PLEKHA8: variants seen among roughly 807,000 people sequenced by gnomAD.
The protein encoded by PLEKHA8 is pleckstrin homology domain-containing family A member 8.
A neutral mutation model predicts 68.2 loss-of-function variants in PLEKHA8; 36 were observed. The observed-to-expected ratio is 0.53, with a 90% CI of 0.40 to 0.70. The LOEUF is 0.70. PLEKHA8 is among the 30% of genes least tolerant of loss of function. PLEKHA8 has a pLI of 0.00. For missense variants in PLEKHA8, 505 were observed against 615.4 expected (o/e 0.82, Z 1.90); for synonymous variants, 211 against 216.1 (o/e 0.98, Z 0.20).
Position 30,080,499 on chromosome 7 carries a change from A to C in PLEKHA8, c.*1712A>C. ...CTAGGATGGAGAGAATTCTCTCTTT[A>C]GTCAGAGAAGTTTATGTAGGGAGGG... On this transcript the variant is annotated 3_prime_UTR_variant, in exon 14 of 14. Coordinates refer to ENST00000449726, the MANE Select transcript of PLEKHA8 (RefSeq NM_001197026.2). 1 of 985,324 alleles carries C rather than the reference A, an allele frequency of 1.0e-6. No individual in the cohort carries two copies. Among genetic ancestry groups the C allele is most frequent in the Non-Finnish European group, 1.2e-6 (1 of 829,892 alleles). 61.0% of individuals were successfully genotyped at this position (985,324 alleles called of 1,614,324 possible). A position where few individuals can be genotyped will look rare whatever the true frequency, so the allele number is the denominator to read the frequency against.
intron 13 of PLEKHA8, among the ~76,000 whole-genome samples, chr7:30,128,451 T>C (rs1796819029): frequency 6.6e-6 from 1 of 152,222 alleles, no homozygotes; most frequent in Non-Finnish European, 1.5e-5. Flanking sequence ...CATCTGTGGG[T>C]TAAGTCACAC....
Position 30,045,150 on chromosome 7 carries a change from G to A in PLEKHA8, c.106G>A (p.Ala36Thr). 1.2e-6 allele frequency: 2 copies of A among 1,612,274 alleles called. No homozygotes were observed. The highest frequency in any genetic ancestry group is 2.2e-5 in the South Asian group (2 of 90,772). Residue 36 changes from alanine to threonine, a missense_variant, in exon 2 of 14, where the codon GCC (alanine) becomes ACC (threonine). Coordinates refer to ENST00000449726, the MANE Select transcript of PLEKHA8 (RefSeq NM_001197026.2). The stretch of plus-strand genomic sequence containing the variant: ...GTCCTATTATGATTCTCCTGAAGAT[G>A]CCTGGAAAGGTTGCAAAGGGAGCAT... ...ILSYYDSPEDAWKGCKGSIQM... is the reference protein window; with the variant it reads ...ILSYYDSPEDTWKGCKGSIQM...
intron 9 of PLEKHA8, among the ~76,000 whole-genome samples, chr7:30,060,338 G>A (rs1226671880): frequency 1.3e-5 from 2 of 151,700 alleles, no homozygotes; most frequent in African/African-American, 4.8e-5. Flanking sequence ...CTACTCGGGA[G>A]GCTGAGGGAG....
chr7:30,046,385 T>C lies in PLEKHA8; in HGVS notation c.313+20T>C. The C allele has an allele frequency of 6.4e-7, 1 of 1,559,392 alleles. No individual in the cohort carries two copies. Among genetic ancestry groups the C allele is most frequent in the Non-Finnish European group, 8.7e-7 (1 of 1,154,470 alleles). On this transcript the variant is annotated intron_variant, in intron 3 of 13. Coordinates refer to ENST00000449726, the MANE Select transcript of PLEKHA8 (RefSeq NM_001197026.2). Reference sequence around the variant, plus strand: ...AGAAAGGCAAGTACTGATTGTCCTTTGCTGTGGAAACCTTGGGAATCACCC... The same window carrying C: ...AGAAAGGCAAGTACTGATTGTCCTTCGCTGTGGAAACCTTGGGAATCACCC...
chr7:30,063,641 G>GCC (rs1363257025), intron 12 of PLEKHA8, among the ~76,000 whole-genome samples: 4 of 151,992 alleles, frequency 2.6e-5, no homozygotes, highest in Admixed American at 1.3e-4. Context: ...CAAGAATTCT[G>GCC]CCCCCACGTG....
chr7:30,129,497 G>T, downstream of PLEKHA8: 1 of 653,888 alleles, frequency 1.5e-6, no homozygotes, highest in Non-Finnish European at 2.6e-6. Context: ...TTTATTATCA[G>T]ATGAATGCAA....
rs1447317248 is a variant in PLEKHA8 at position 30,115,871 on chromosome 7, TGTAGGCAC to T, written c.1363-13393_1363-13386del. 8 of 144,786 alleles carry T rather than the reference TGTAGGCAC, an allele frequency of 5.5e-5. No individual in the cohort carries two copies. In the South Asian group the frequency reaches 8.7e-4, roughly 16 times the overall value. 9.0% of individuals were successfully genotyped at this position (144,786 alleles called of 1,614,324 possible). A position where few individuals can be genotyped will look rare whatever the true frequency, so the allele number is the denominator to read the frequency against. ...GTATGCATACATACGTGCACATACA[TGTAGGCAC>T]GCATACATGCGTATACATGCATGTA... On this transcript the variant is annotated intron_variant, in intron 13 of 13. Coordinates refer to the PLEKHA8 transcript ENST00000396257.
chr7:30,090,146 G>A (rs1376252449), intron 12 of PLEKHA8: 3 of 1,550,698 alleles, frequency 1.9e-6, no homozygotes, highest in East Asian at 2.4e-5. Flanking sequence ...AGTGCACTAT[G>A]TTGTAGGAAA....
chr7:30,032,606 CT>C (rs1370525408), intron 1 of PLEKHA8, among the ~76,000 whole-genome samples: 3 of 152,154 alleles, frequency 2.0e-5, no homozygotes, highest in Non-Finnish European at 2.9e-5. Context: ...TTTAAAGGTC[CT>C]TCTTGCTTGA....
chr7:30,098,122 C>T (rs1037207170), intron 13 of PLEKHA8, among the ~76,000 whole-genome samples: 2 of 152,196 alleles, frequency 1.3e-5, no homozygotes, highest in African/African-American at 2.4e-5. Context: ...GTATCAGCAG[C>T]GGTGGCTGCA....
chr7:30,050,335 T>G, intron 5 of PLEKHA8, 99 bp from the exon 6 acceptor site: 1 of 1,440,076 alleles, frequency 6.9e-7, no homozygotes, highest in Non-Finnish European at 9.2e-7. Flanking sequence ...TATTTTATGG[T>G]CATATGGTCA....
At chr7:30,077,889 G>A (rs909569937) in intron 13 of PLEKHA8, among the ~76,000 whole-genome samples, 7 of 152,290 alleles carry the variant, frequency 4.6e-5, no homozygotes, top group East Asian at 1.9e-4. Flanking sequence ...TGTTAGGCAA[G>A]TGGCATAATA....
At chr7:30,042,529 T>G (rs1039921786) in intron 1 of PLEKHA8, among the ~76,000 whole-genome samples, 1 of 152,058 alleles carries the variant, frequency 6.6e-6, no homozygotes, top group Non-Finnish European at 1.5e-5. Context: ...GTCATGGGAG[T>G]GAAAAGATGC....
At chr7:30,102,505 G>A (rs1795889784) in intron 13 of PLEKHA8, among the ~76,000 whole-genome samples, 1 of 152,160 alleles carries the variant, frequency 6.6e-6, no homozygotes, top group Admixed American at 6.5e-5. Context: ...ACAGTAGCCA[G>A]AAATGGGAAA....
At position 30,097,660 on chromosome 7, in the gene PLEKHA8, C is replaced by T. The variant is rs576889017; in HGVS notation, c.1362+23528C>T. Among the ~76,000 whole-genome samples the T allele has an allele frequency of 1.7e-3, 261 of 152,268 alleles. 1 individual carries two copies. Among genetic ancestry groups the T allele is most frequent in the Middle Eastern group, 0.014 (4 of 294 alleles). On this transcript the variant is annotated intron_variant, in intron 13 of 13. Transcript: ENST00000396257. ...TGCATTCGTCACATAGTTCTCGTGC[C>T]GTGGTTTTCAGCTCCATCAGGTCCT...
At chr7:30,042,710 A>G (rs1488721757) in intron 1 of PLEKHA8, among the ~76,000 whole-genome samples, 1 of 152,176 alleles carries the variant, frequency 6.6e-6, no homozygotes, top group Admixed American at 6.5e-5. Flanking sequence ...TTCCTTATCT[A>G]TAAAATGTGC....
At chr7:30,050,383 C>G in intron 5 of PLEKHA8, 51 bp from the exon 6 acceptor site, 1 of 1,531,772 alleles carries the variant, frequency 6.5e-7, no homozygotes, top group Non-Finnish European at 8.8e-7. Flanking sequence ...CATAAATATG[C>G]TCTGTTCAAA....
At chr7:30,114,821 T>G (rs1796377095) in intron 13 of PLEKHA8, among the ~76,000 whole-genome samples, 1 of 152,208 alleles carries the variant, frequency 6.6e-6, no homozygotes, top group African/African-American at 2.4e-5. Flanking sequence ...TTTATCATTT[T>G]GGGAGTCATT....
At chr7:30,045,028 G>A in intron 1 of PLEKHA8, 57 bp from the exon 2 acceptor site, 4 of 1,206,006 alleles carry the variant, frequency 3.3e-6, no homozygotes, top group Non-Finnish European at 4.8e-6. Flanking sequence ...TCTGTATCTT[G>A]GGAGGTAGTT....
Sources: allele counts gnomAD v4.1 joint callset (sites outside exome capture counted in the v4.1 genomes callset), GRCh38; gene constraint gnomAD v4.1.1; transcripts MANE v1.5; gene names NCBI Gene and HGNC (gene_info 2026-07-23, HGNC 2026-07-21).